Variants in ZNF385D observed in about 807,000 individuals in gnomAD.
The protein encoded by ZNF385D is zinc finger protein 385D.
A neutral mutation model predicts 35.8 loss-of-function variants in ZNF385D; 15 were observed. That is an observed-to-expected ratio of 0.42 (90% CI 0.28 to 0.64). The LOEUF (loss-of-function observed/expected upper bound fraction) is 0.64, where lower values mean the gene tolerates loss of function less well. Among genes scored for constraint, ZNF385D ranks in the 30% least tolerant of loss-of-function variants. The pLI is 0.23. For synonymous variants in ZNF385D, 212 were observed against 186.8 expected (o/e 1.13, Z -1.10); for missense variants, 474 against 494.6 (o/e 0.96, Z 0.39).
At chr3:22,111,166 T>C (rs1471110391) in intron 3 of ZNF385D, among the ~76,000 whole-genome samples, 1 of 94,060 alleles carries the variant, frequency 1.1e-5, no homozygotes, top group Non-Finnish European at 2.3e-5. Context: ...TTTTTTTTTT[T>C]TTTTTTTTTT....
At chr3:21,906,665 A>T (rs1699701093) in intron 3 of ZNF385D, among the ~76,000 whole-genome samples, 1 of 152,092 alleles carries the variant, frequency 6.6e-6, no homozygotes, top group Non-Finnish European at 1.5e-5. Flanking sequence ...TTGGCTCCAA[A>T]ACCACAGATT....
chr3:21,610,499 G>A (rs76899392), intron 2 of ZNF385D, among the ~76,000 whole-genome samples: 37 of 152,160 alleles, frequency 2.4e-4, no homozygotes, highest in East Asian at 1.6e-3. Flanking sequence ...GGCCGGGCGC[G>A]GTGGCTCACG....
intron 3 of ZNF385D, among the ~76,000 whole-genome samples, chr3:21,829,315 T>G (rs1694842852): frequency 1.3e-5 from 2 of 152,260 alleles, no homozygotes; most frequent in Non-Finnish European, 2.9e-5. Context: ...GATATGAGAC[T>G]TGAGATCCAA....
intron 1 of ZNF385D, among the ~76,000 whole-genome samples, chr3:21,711,897 T>A (rs2068123702): frequency 1.3e-5 from 2 of 152,180 alleles, no homozygotes; most frequent in Admixed American, 1.3e-4. Flanking sequence ...AATACAAGTA[T>A]GGAATTATAG....
chr3:21,835,348 T>G (rs1471720727), intron 3 of ZNF385D, among the ~76,000 whole-genome samples: 1 of 151,988 alleles, frequency 6.6e-6, no homozygotes, highest in Non-Finnish European at 1.5e-5. Context: ...TCACGATCCT[T>G]CCATTGTAAA....
At chr3:21,461,412 G>A (rs898063937) in intron 4 of ZNF385D, among the ~76,000 whole-genome samples, 7 of 152,034 alleles carry the variant, frequency 4.6e-5, no homozygotes, top group East Asian at 1.9e-4. Context: ...GCTGGGCGTC[G>A]TGGTGGGTGC....
intron 3 of ZNF385D, among the ~76,000 whole-genome samples, chr3:22,080,895 CA>C (rs536148910): frequency 1.9e-3 from 284 of 152,228 alleles, no homozygotes; most frequent in African/African-American, 6.8e-3. Context: ...AACAGACACT[CA>C]CCAGACACTG....
chr3:22,244,461 A>C (rs1445058339), intron 2 of ZNF385D, among the ~76,000 whole-genome samples: 3 of 150,654 alleles, frequency 2.0e-5, no homozygotes, highest in East Asian at 3.9e-4. Flanking sequence ...CAAGAAATAC[A>C]ATTTCTGTTT....
At chr3:21,874,609 T>C (rs542951554) in intron 3 of ZNF385D, among the ~76,000 whole-genome samples, 4 of 152,208 alleles carry the variant, frequency 2.6e-5, no homozygotes, top group South Asian at 4.1e-4. Flanking sequence ...TACTGTAGCT[T>C]TGTAATATGT....
At chr3:21,586,054 C>T (rs1465878064) in intron 2 of ZNF385D, among the ~76,000 whole-genome samples, 1 of 151,932 alleles carries the variant, frequency 6.6e-6, no homozygotes, top group Admixed American at 6.6e-5. Flanking sequence ...CACACACACA[C>T]ACACATTTGG....
At chr3:22,102,810 C>G (rs1057076440) in intron 3 of ZNF385D, among the ~76,000 whole-genome samples, 28 of 151,708 alleles carry the variant, frequency 1.8e-4, no homozygotes, top group African/African-American at 6.8e-4. Flanking sequence ...TCTCTGATCA[C>G]TGCGAAAGGA....
chr3:21,747,039 C>CT (rs201989992), intron 1 of ZNF385D, among the ~76,000 whole-genome samples: 14,137 of 136,194 alleles, frequency 0.1, 752 homozygotes, highest in South Asian at 0.14. Flanking sequence ...ACTAGATTTT[C>CT]TTTTTTTTTT....
At chr3:22,144,419 CA>C (rs1704714758) in intron 3 of ZNF385D, among the ~76,000 whole-genome samples, 1 of 151,486 alleles carries the variant, frequency 6.6e-6, no homozygotes. Flanking sequence ...ATTAAAAATA[CA>C]AAAAATAAAT....
At chr3:21,877,958 A>G (rs1238373427) in intron 3 of ZNF385D, 1 of 152,060 alleles carries the variant, frequency 6.6e-6, no homozygotes, top group Non-Finnish European at 1.5e-5. Flanking sequence ...AGCAATGAAG[A>G]TTTCATGATA....
intron 4 of ZNF385D, among the ~76,000 whole-genome samples, chr3:21,450,752 C>T (rs1400325895): frequency 6.6e-6 from 1 of 152,160 alleles, no homozygotes; most frequent in African/African-American, 2.4e-5. Flanking sequence ...TATTTTGTCT[C>T]ACACAACACA....
chr3:22,181,629 C>T (rs1432943133), intron 2 of ZNF385D, among the ~76,000 whole-genome samples: 1 of 144,832 alleles, frequency 6.9e-6, no homozygotes, highest in African/African-American at 2.6e-5. Context: ...ACTCAGGAGG[C>T]GGAGCTTGCA....
At chr3:21,875,105 C>A (rs918950662) in intron 3 of ZNF385D, among the ~76,000 whole-genome samples, 1 of 152,008 alleles carries the variant, frequency 6.6e-6, no homozygotes, top group Non-Finnish European at 1.5e-5. Flanking sequence ...TTATGCCCTG[C>A]AACTTTACTA....
intron 2 of ZNF385D, among the ~76,000 whole-genome samples, chr3:22,201,565 G>C (rs1696802819): frequency 6.6e-6 from 1 of 151,970 alleles, no homozygotes; most frequent in Non-Finnish European, 1.5e-5. Context: ...TTATTGAATT[G>C]TAGGTATTTG....
At chr3:22,087,979 G>C (rs970732305) in intron 3 of ZNF385D, among the ~76,000 whole-genome samples, 1 of 152,168 alleles carries the variant, frequency 6.6e-6, no homozygotes, top group Non-Finnish European at 1.5e-5. Context: ...GTTTAGGGTT[G>C]TTACAGAAAT....
Sources: allele counts gnomAD v4.1 joint callset (sites outside exome capture counted in the v4.1 genomes callset), GRCh38; gene constraint gnomAD v4.1.1; transcripts MANE v1.5; gene names NCBI Gene and HGNC (gene_info 2026-07-23, HGNC 2026-07-21).